Variants in CARF observed in about 807,000 individuals in gnomAD.
CARF encodes the protein calcium-responsive transcription factor.
CARF carries 57 observed loss-of-function variants against 82.0 expected under a neutral mutation model. The ratio of observed to expected loss-of-function variants is 0.70; its 90% CI spans 0.56 to 0.87. CARF has a LOEUF of 0.87. CARF is among the 40% of genes least tolerant of loss of function. The pLI is 0.00. For missense variants in CARF, 771 were observed against 855.8 expected (o/e 0.90, Z 1.24); for synonymous variants, 268 against 290.1 (o/e 0.92, Z 0.77).
intron 8 of CARF, 88 bp downstream of exon 8, chr2:202,955,846 A>G (rs914269828): frequency 6.5e-6 from 5 of 768,272 alleles, no homozygotes; most frequent in Non-Finnish European, 1.1e-5. Context: ...TACAACTAAT[A>G]TAGTCTATAG....
At chr2:202,938,209 A>G (rs150095873) in intron 3 of CARF, 1 of 152,238 alleles carries the variant, frequency 6.6e-6, no homozygotes, top group East Asian at 1.9e-4. Context: ...TTTCTTTCAT[A>G]TACGAGACAT....
In CARF at chr2:202,960,679, G is replaced by GGCCTTCCT. The variant is rs768086042; in HGVS notation, c.643-542_643-535dup. ...TGGCATCCTATCAAAATTAATCTCAGGCCTTCCTGCCTTCCTGCCTTCCCA... is the reference window on the plus strand; with the variant it reads ...TGGCATCCTATCAAAATTAATCTCAGGCCTTCCTGCCTTCCTGCCTTCCTGCCTTCCCA... On this transcript the variant is annotated intron_variant, in intron 8 of 16. Transcript: ENST00000438828. Among the ~76,000 whole-genome samples, 683 of 151,864 alleles carry GGCCTTCCT rather than the reference G, an allele frequency of 4.5e-3. 2 individuals are homozygous for GGCCTTCCT. The highest frequency in any genetic ancestry group is 7.7e-3 in the Non-Finnish European group (524 of 67,912).
chr2:202,947,444 G>A (rs1230622879), intron 5 of CARF, among the ~76,000 whole-genome samples: 1 of 152,090 alleles, frequency 6.6e-6, no homozygotes, highest in Non-Finnish European at 1.5e-5. Flanking sequence ...CATGGACACA[G>A]GGAGGAGAAC....
At chr2:202,965,295 G>A (rs559617143) in intron 9 of CARF, among the ~76,000 whole-genome samples, 65 of 152,168 alleles carry the variant, frequency 4.3e-4, no homozygotes, top group African/African-American at 1.5e-3. Context: ...GGTGTGCTGT[G>A]TACTTATTGC....
At chr2:202,983,417 G>C (rs1461692153) in intron 16 of CARF, 89 bp from the exon 17 acceptor site, 2 of 831,922 alleles carry the variant, frequency 2.4e-6, no homozygotes, top group Admixed American at 5.6e-5. Flanking sequence ...TTTCACAGAA[G>C]TTATTTTTAG....
At chr2:202,961,613 T>G in intron 9 of CARF, 187 bp downstream of exon 9, 1 of 572,332 alleles carries the variant, frequency 1.7e-6, no homozygotes, top group Non-Finnish European at 3.1e-6. Flanking sequence ...ATATTGCATT[T>G]TAATATATCA....
intron 4 of CARF, chr2:202,942,498 G>C: frequency 2.6e-6 from 2 of 758,926 alleles, no homozygotes; most frequent in South Asian, 1.2e-4. Flanking sequence ...AAAATCTATA[G>C]GTTGAATTAT....
At chr2:202,972,674 TAAAAAAAAA>T (rs35376227) in intron 12 of CARF, among the ~76,000 whole-genome samples, 1 of 103,016 alleles carries the variant, frequency 9.7e-6, no homozygotes, top group Non-Finnish European at 1.8e-5. Flanking sequence ...AGACTCCGTC[TAAAAAAAAA>T]AAAAAAAAAA....
In CARF at chr2:202,982,138, C is replaced by T; in HGVS notation, c.1756C>T (p.Gln586Ter). The T allele has an allele frequency of 1.2e-6, 2 of 1,614,092 alleles. No homozygotes were observed. The highest frequency in any genetic ancestry group is 1.7e-6 in the Non-Finnish European group (2 of 1,179,958). The change falls in exon 16 of 17, where the codon CAG becomes TAG. Residue 586 changes from glutamine (Q) to a stop codon, truncating the protein, a stop_gained. Coordinates refer to ENST00000438828, the MANE Select transcript of CARF (RefSeq NM_024744.17). LOFTEE classifies it high-confidence loss of function. ...ESPAVVSVNNQPSSSPSGLLD... is the reference protein window; with the variant it reads ...ESPAVVSVNN ...ACCAGCTGTGGTATCAGTAAATAAC[C>T]AGCCGTCCTCTAGTCCTTCAGGACT...
intron 2 of CARF, 150 bp downstream of exon 2, chr2:202,918,193 C>G (rs1245510874): frequency 3.3e-6 from 1 of 303,042 alleles, no homozygotes; most frequent in Non-Finnish European, 6.4e-6. Flanking sequence ...TTATACTTAG[C>G]TATTTAATAT....
At chr2:202,916,976 C>T (rs910594693) in intron 1 of CARF, among the ~76,000 whole-genome samples, 1 of 151,942 alleles carries the variant, frequency 6.6e-6, no homozygotes, top group Admixed American at 6.6e-5. Flanking sequence ...TTTGGGAGGC[C>T]GAGGCGGGCG....
intron 7 of CARF, among the ~76,000 whole-genome samples, chr2:202,955,425 CACTT>C (rs2058989789): frequency 6.6e-6 from 1 of 152,102 alleles, no homozygotes; most frequent in South Asian, 2.1e-4. Flanking sequence ...ATATATGAAA[CACTT>C]AAAGTTGTTG....
Position 202,955,720 on chromosome 2 carries a change from A to G in CARF, c.604A>G (p.Asn202Asp), listed in dbSNP as rs1232538488. 3 of 1,612,522 alleles carry G rather than the reference A, an allele frequency of 1.9e-6. No individual in the cohort carries two copies. The highest frequency in any genetic ancestry group is 1.7e-6 in the Non-Finnish European group (2 of 1,179,112). ...GGGGCCTCTTCAGCCACTTTCTTCT[A>G]ATACACCTATATGGGCCTGCCGTCT... Reference protein sequence around the residue: ...LLGPLQPLSSNTPIWACRLRS... With the variant: ...LLGPLQPLSSDTPIWACRLRS... The change falls in exon 8 of 17, where the codon AAT becomes GAT. Residue 202 changes from asparagine (N) to aspartate (D), a missense_variant. Physicochemically the swap from Asn to Asp is conservative, Grantham distance 23 (BLOSUM62 1). Transcript: ENST00000438828.
chr2:202,943,238 A>AT (rs1218815322), intron 5 of CARF, among the ~76,000 whole-genome samples: 2 of 151,732 alleles, frequency 1.3e-5, no homozygotes, highest in Non-Finnish European at 2.9e-5. Context: ...CACCTGGCTC[A>AT]TTTTTTTGTA....
intron 1 of CARF, among the ~76,000 whole-genome samples, chr2:202,915,079 C>CT (rs1474321774): frequency 1.3e-5 from 2 of 151,566 alleles, no homozygotes; most frequent in Non-Finnish European, 2.9e-5. Context: ...TGCAGTGGCG[C>CT]TATCTTAGCT....
intron 2 of CARF, among the ~76,000 whole-genome samples, chr2:202,921,136 G>A (rs1028894369): frequency 3.9e-5 from 6 of 152,038 alleles, no homozygotes; most frequent in Non-Finnish European, 8.8e-5. Context: ...CAGGTAGCTG[G>A]GACTACAAGT....
intron 12 of CARF, chr2:202,973,436 G>T (rs2059888996): frequency 4.6e-6 from 2 of 437,228 alleles, no homozygotes; most frequent in African/African-American, 2.0e-5. Flanking sequence ...AAATAACAGT[G>T]CTGCCTTCTA....
intron 14 of CARF, among the ~76,000 whole-genome samples, chr2:202,978,172 T>C (rs1221563802): frequency 1.3e-5 from 2 of 152,166 alleles, no homozygotes; most frequent in Non-Finnish European, 2.9e-5. Context: ...ATAATGAGCA[T>C]CTGACTGATA....
chr2:202,977,939 G>A lies in CARF; in HGVS notation c.1558+607G>A, dbSNP rs554155555. Among the ~76,000 whole-genome samples the A allele has an allele frequency of 2.6e-5, 4 of 152,176 alleles. 1 individual carries two copies. Among genetic ancestry groups the A allele is most frequent in the African/African-American group, 4.8e-5 (2 of 41,540 alleles). On this transcript the variant is annotated intron_variant, in intron 14 of 16. Coordinates refer to ENST00000438828, the MANE Select transcript of CARF (RefSeq NM_024744.17). ...CGGCTCACTGAAACCTCAGCCTCCC[G>A]GGTTCAAGTGGTTCTTCAGCCTCAG...
Sources: allele counts gnomAD v4.1 joint callset (sites outside exome capture counted in the v4.1 genomes callset), GRCh38; gene constraint gnomAD v4.1.1; transcripts MANE v1.5; gene names NCBI Gene and HGNC (gene_info 2026-07-23, HGNC 2026-07-21).